The following DCDC1 variants were observed in gnomAD, a reference collection of about 807,000 sequenced individuals.
DCDC1 encodes the protein doublecortin domain containing 1.
In DCDC1, 200 loss-of-function variants were observed where a neutral mutation model predicts 178.3. That is an observed-to-expected ratio of 1.12 (90% CI 1.00 to 1.26). DCDC1 has a LOEUF of 1.26. DCDC1 is among the 50% of genes most tolerant of loss of function. The pLI is 0.00. For missense variants in DCDC1, 1,983 were observed against 1,749.2 expected, an observed-to-expected ratio of 1.13 and a Z score of -2.38; for synonymous variants, 690 against 604.8, an observed-to-expected ratio of 1.14 and a Z score of -2.07.
At chr11:31,150,896 A>G (rs1012152262) in intron 9 of DCDC1, among the ~76,000 whole-genome samples, 1 of 152,246 alleles carries the variant, frequency 6.6e-6, no homozygotes, top group African/African-American at 2.4e-5. Flanking sequence ...GAATCAAAAA[A>G]AGAATGTAGT....
At chr11:30,997,299 A>G (rs1951323269) in intron 20 of DCDC1, among the ~76,000 whole-genome samples, 1 of 152,238 alleles carries the variant, frequency 6.6e-6, no homozygotes, top group Admixed American at 6.5e-5. Context: ...AACTCATAGA[A>G]CTGTATGCTG....
intron 15 of DCDC1, among the ~76,000 whole-genome samples, chr11:31,097,718 G>A (rs529870413): frequency 3.3e-5 from 5 of 152,262 alleles, no homozygotes; most frequent in African/African-American, 9.6e-5. Flanking sequence ...GTCAAGTCCC[G>A]TGTCCTATGC....
intron 8 of DCDC1, among the ~76,000 whole-genome samples, chr11:31,248,227 GTATTTA>G (rs1402967359): frequency 2.0e-5 from 3 of 151,924 alleles, no homozygotes; most frequent in Non-Finnish European, 2.9e-5. Context: ...GAGAGTATTT[GTATTTA>G]TATTACTATC....
intron 9 of DCDC1, among the ~76,000 whole-genome samples, chr11:31,209,406 T>A (rs377199887): frequency 1.3e-5 from 2 of 152,226 alleles, no homozygotes; most frequent in South Asian, 4.1e-4. Context: ...AGGGAGAAGA[T>A]GGCTTCCCAA....
chr11:31,321,450 G>T (rs981715889), intron 3 of DCDC1, among the ~76,000 whole-genome samples: 1 of 151,630 alleles, frequency 6.6e-6, no homozygotes, highest in East Asian at 1.9e-4. Context: ...TCTTTGACTT[G>T]GAAAGGGAAC....
Position 31,060,164 on chromosome 11 carries a change from G to T in DCDC1, c.2591+4305C>A, listed in dbSNP as rs184989902. Among the ~76,000 whole-genome samples the T allele has an allele frequency of 1.1e-4, 17 of 152,022 alleles. No homozygotes were observed. The East Asian group carries it at 3.3e-3, about 29-fold the overall frequency. On this transcript the variant is annotated intron_variant, in intron 20 of 38. Coordinates refer to ENST00000684477, the MANE Select transcript of DCDC1 (RefSeq NM_001387274.1). The stretch of plus-strand genomic sequence containing the variant: ...GTTTGAATTTATATTCTCCTAAAAT[G>T]GTAAACATAATAAATTGAGAACCAA...
At chr11:31,196,195 T>C (rs1263273306) in intron 9 of DCDC1, among the ~76,000 whole-genome samples, 1 of 152,020 alleles carries the variant, frequency 6.6e-6, no homozygotes, top group Non-Finnish European at 1.5e-5. Context: ...CTACAACAAC[T>C]GATAATGAGG....
intron 9 of DCDC1, among the ~76,000 whole-genome samples, chr11:31,153,619 C>G (rs1048834649): frequency 6.6e-6 from 1 of 151,982 alleles, no homozygotes; most frequent in Admixed American, 6.6e-5. Flanking sequence ...CCCATCTCTC[C>G]TAAAAATACA....
intron 1 of DCDC1, among the ~76,000 whole-genome samples, chr11:31,350,542 A>G (rs1951018274): frequency 6.6e-6 from 1 of 152,134 alleles, no homozygotes; most frequent in Non-Finnish European, 1.5e-5. Context: ...TAAAATTACT[A>G]TTAATAATCC....
chr11:31,209,106 A>G (rs998417990), intron 9 of DCDC1, among the ~76,000 whole-genome samples: 1 of 152,230 alleles, frequency 6.6e-6, no homozygotes, highest in South Asian at 2.1e-4. Context: ...TCAGGAGAAC[A>G]TGATGTTTAA....
chr11:31,065,264 G>A, intron 18 of DCDC1, 111 bp from the exon 19 acceptor site: 1 of 496,706 alleles, frequency 2.0e-6, no homozygotes, highest in Non-Finnish European at 3.6e-6. Context: ...AAAAGGTCTG[G>A]CTAATAAACT....
chr11:30,967,866 A>G (rs1949530951), intron 20 of DCDC1, among the ~76,000 whole-genome samples: 1 of 152,156 alleles, frequency 6.6e-6, no homozygotes, highest in Non-Finnish European at 1.5e-5. Flanking sequence ...ACAAAGAAAA[A>G]CACCCCAGAG....
intron 20 of DCDC1, among the ~76,000 whole-genome samples, chr11:30,977,939 C>A (rs774870971): frequency 1.2e-4 from 18 of 152,240 alleles, no homozygotes; most frequent in Admixed American, 3.3e-4. Flanking sequence ...CCTAAAAAAA[C>A]CAAACAGTAA....
intron 20 of DCDC1, among the ~76,000 whole-genome samples, chr11:31,011,318 T>G (rs1404607136): frequency 6.6e-6 from 1 of 152,170 alleles, no homozygotes; most frequent in Non-Finnish European, 1.5e-5. Context: ...CTTACTAAAT[T>G]TTTAAAAACC....
chr11:31,158,135 G>T (rs1965923490), intron 9 of DCDC1, among the ~76,000 whole-genome samples: 1 of 152,002 alleles, frequency 6.6e-6, no homozygotes, highest in South Asian at 2.1e-4. Context: ...TTGAGACGGA[G>T]TCTCGCTCTG....
intron 11 of DCDC1, among the ~76,000 whole-genome samples, chr11:31,120,282 A>G (rs1020420619): frequency 6.6e-6 from 1 of 152,182 alleles, no homozygotes. Flanking sequence ...AGTGCTATGA[A>G]TCTTGTTATT....
rs766402066 is a variant in DCDC1 at position 31,265,584 on chromosome 11, G to A, written c.977C>T (p.Thr326Ile). The change falls in exon 8 of 39, where the codon ACA (threonine) becomes ATA (isoleucine). Residue 326 changes from threonine (T) to isoleucine (I), a missense_variant. Thr to Ile is a moderately conservative substitution (Grantham distance 89). Coordinates refer to ENST00000684477, the MANE Select transcript of DCDC1 (RefSeq NM_001387274.1). ...TGGTAAATTTAGATTCATTCTTATT[G>A]TACAAGTATCTAAAACCTGTGCAGG... ...ETMKKVLDTCTIRMNLNLPAR... is the reference protein window; with the variant it reads ...ETMKKVLDTCIIRMNLNLPAR... 3 of 1,405,522 alleles carry A rather than the reference G, an allele frequency of 2.1e-6. No individual in the cohort carries two copies. The highest frequency in any genetic ancestry group is 3.0e-5 in the African/African-American group (2 of 66,838). The allele number at this position is 1,405,522 out of a possible 1,614,324, so 87.1% of individuals were successfully genotyped here. A position where few individuals can be genotyped will look rare whatever the true frequency, so the allele number is the denominator to read the frequency against.
At chr11:31,299,796 C>G (rs1591688929) in intron 6 of DCDC1, among the ~76,000 whole-genome samples, 1 of 152,130 alleles carries the variant, frequency 6.6e-6, no homozygotes, top group East Asian at 1.9e-4. Context: ...CTATCATATG[C>G]CAGGTTTTTA....
rs1946051452 is a variant in DCDC1, at chr11:31,277,143, T to G, written c.961-11543A>C. Among the ~76,000 whole-genome samples, 6 of 152,104 alleles carry G rather than the reference T, an allele frequency of 3.9e-5. No individual in the cohort carries two copies. In the South Asian group the frequency reaches 1.2e-3, roughly 32 times the overall value. On this transcript the variant is annotated intron_variant, in intron 7 of 38. Transcript: ENST00000684477. ...TTCTTTTCCAATTACAACTCAATAC[T>G]CCTGGCCCTAAGTCACCAATAATCT...
Sources: gnomAD v4.1 joint callset for allele counts (sites outside exome capture counted in the v4.1 genomes callset) on GRCh38, gnomAD v4.1.1 for gene constraint, MANE v1.5 for transcripts, NCBI Gene and HGNC (gene_info 2026-07-23, HGNC 2026-07-21) for gene names.